Variants in UBXN7 observed in about 807,000 individuals in gnomAD.
UBXN7 encodes UBX domain protein 7, also known as UBX domain-containing protein 7.
A neutral mutation model predicts 58.0 loss-of-function variants in UBXN7; 9 were observed. That is an observed-to-expected ratio of 0.16 (90% CI 0.09 to 0.27). The LOEUF (loss-of-function observed/expected upper bound fraction) is 0.27. Ranked by LOEUF, UBXN7 falls within the 10% of genes least tolerant of loss-of-function variation. The probability of loss-of-function intolerance (pLI) is 1.00; values close to 1 mark genes in which losing one functional copy is unlikely to be tolerated. For missense variants in UBXN7, 328 were observed against 599.6 expected (o/e 0.55, Z 4.73); for synonymous variants, 208 against 205.0 (o/e 1.01, Z -0.12).
At position 196,349,329 on chromosome 3, in the gene UBXN7, ACT is replaced by A. The variant is rs1728159451; in HGVS notation, c.*7354_*7355del. 6.6e-6 allele frequency: 1 copy of A among 151,956 alleles called. No homozygotes were observed. Among genetic ancestry groups the A allele is most frequent in the African/African-American group, 2.4e-5 (1 of 41,352 alleles). The allele number at this position is 151,956 out of a possible 1,614,324, so 9.4% of individuals were successfully genotyped here. A position where few individuals can be genotyped will look rare whatever the true frequency, so the allele number is the denominator to read the frequency against. ...AAAGTGGAGGCCACGCACTACTTTC[ACT>A]CTCTCTAGCAGGTGAAAGGGGATTT... is the stretch of plus-strand genomic sequence containing the variant. On this transcript the variant is annotated 3_prime_UTR_variant, in exon 11 of 11. Transcript: ENST00000296328.
Position 196,349,153 on chromosome 3 carries a change from A to C in UBXN7, c.*7532T>G, listed in dbSNP as rs951592143. ...TACTCATTTCTCTATATCTAAGACT[A>C]GAAGATTCTCTCACAGCTTTACTGT... On this transcript the variant is annotated 3_prime_UTR_variant, in exon 11 of 11. Coordinates refer to ENST00000296328, the MANE Select transcript of UBXN7 (RefSeq NM_015562.2). The C allele has an allele frequency of 6.6e-6, 1 of 152,212 alleles. No homozygotes were observed. Among genetic ancestry groups the C allele is most frequent in the African/African-American group, 2.4e-5 (1 of 41,456 alleles). 9.4% of individuals were successfully genotyped at this position (152,212 alleles called of 1,614,324 possible).
At chr3:196,377,151 C>T (rs1257650252) in intron 5 of UBXN7, among the ~76,000 whole-genome samples, 2 of 152,092 alleles carry the variant, frequency 1.3e-5, no homozygotes, top group Non-Finnish European at 2.9e-5. Context: ...AATTAAACTG[C>T]TTTAGACCCC....
intron 3 of UBXN7, among the ~76,000 whole-genome samples, chr3:196,401,822 A>G (rs1344548145): frequency 1.4e-4 from 6 of 43,996 alleles, no homozygotes; most frequent in African/African-American, 2.5e-4. Context: ...AGAAAAGAGA[A>G]GAGAGAAGAG....
At chr3:196,420,915 C>T (rs1225176213) in intron 1 of UBXN7, among the ~76,000 whole-genome samples, 1 of 152,156 alleles carries the variant, frequency 6.6e-6, no homozygotes, top group Non-Finnish European at 1.5e-5. Context: ...GTCACAGAGA[C>T]TTTTAAAAAC....
intron 4 of UBXN7, 54 bp from the exon 5 acceptor site, chr3:196,391,979 A>G (rs1012617568): frequency 2.5e-4 from 25 of 98,634 alleles, no homozygotes; most frequent in South Asian, 5.5e-4. Flanking sequence ...AATCACACTG[A>G]AAAAAAAAAA....
intron 1 of UBXN7, among the ~76,000 whole-genome samples, chr3:196,420,943 T>C (rs1730662612): frequency 6.6e-6 from 1 of 151,674 alleles, no homozygotes; most frequent in Non-Finnish European, 1.5e-5. Context: ...ATCATCCCTC[T>C]ATAGAAATGA....
chr3:196,352,022 A>G lies in UBXN7; in HGVS notation c.*4663T>C, dbSNP rs1728227473. The G allele has an allele frequency of 6.6e-6, 1 of 152,234 alleles. No homozygotes were observed. The highest frequency in any genetic ancestry group is 2.4e-5 in the African/African-American group (1 of 41,464). The allele number at this position is 152,234 out of a possible 1,614,324, so 9.4% of individuals were successfully genotyped here. Reference sequence around the variant, plus strand: ...GGTTATGCCTTAGTGGCAGAACTTCATGCCCCAAATCTAGAAGTTACAAAA... The same window carrying G: ...GGTTATGCCTTAGTGGCAGAACTTCGTGCCCCAAATCTAGAAGTTACAAAA... On this transcript the variant is annotated 3_prime_UTR_variant, in exon 11 of 11. Coordinates refer to ENST00000296328, the MANE Select transcript of UBXN7 (RefSeq NM_015562.2). The surrounding 1 kb of genome is among the most constrained non-coding windows in gnomAD (Gnocchi z 4.1).
chr3:196,407,808 G>A (rs965687439), intron 1 of UBXN7, among the ~76,000 whole-genome samples: 1 of 152,076 alleles, frequency 6.6e-6, no homozygotes, highest in Non-Finnish European at 1.5e-5. Flanking sequence ...CTGTTAAAAA[G>A]AAAGCATCAG....
chr3:196,396,639 T>G (rs1313828345), intron 3 of UBXN7, among the ~76,000 whole-genome samples: 1 of 151,936 alleles, frequency 6.6e-6, no homozygotes, highest in Non-Finnish European at 1.5e-5. Flanking sequence ...GGCGGGTACC[T>G]GTAGTCCCAG....
intron 1 of UBXN7, chr3:196,431,519 C>G (rs924674133): frequency 6.2e-6 from 1 of 160,300 alleles, no homozygotes; most frequent in African/African-American, 2.4e-5. Context: ...GATACCGACA[C>G]CCAGAAACAG....
chr3:196,399,456 A>T (rs1357339894), intron 3 of UBXN7, among the ~76,000 whole-genome samples: 1 of 152,018 alleles, frequency 6.6e-6, no homozygotes, highest in Non-Finnish European at 1.5e-5. Context: ...TTTCTTTTAT[A>T]GACAGGGCCT....
At chr3:196,403,970 T>C (rs1183810989) in intron 2 of UBXN7, among the ~76,000 whole-genome samples, 1 of 151,958 alleles carries the variant, frequency 6.6e-6, no homozygotes, top group East Asian at 1.9e-4. Flanking sequence ...TATTTTAGGT[T>C]GGGCATGGTG....
intron 5 of UBXN7, among the ~76,000 whole-genome samples, chr3:196,388,739 A>G (rs1204444988): frequency 1.3e-5 from 2 of 152,234 alleles, no homozygotes; most frequent in Non-Finnish European, 2.9e-5. Context: ...TTGGTCAGCC[A>G]AAGAGTATCC....
At chr3:196,394,755 T>C (rs1729718314) in intron 3 of UBXN7, among the ~76,000 whole-genome samples, 1 of 152,210 alleles carries the variant, frequency 6.6e-6, no homozygotes, top group Admixed American at 6.5e-5. Context: ...AACTCTACAT[T>C]CTAAACCATA....
intron 1 of UBXN7, among the ~76,000 whole-genome samples, chr3:196,412,283 G>GT (rs1730357828): frequency 6.7e-6 from 1 of 150,344 alleles, no homozygotes; most frequent in Admixed American, 6.6e-5. Flanking sequence ...TACAACGTGT[G>GT]TAATAATGTT....
At chr3:196,387,637 C>CAG (rs1327049564) in intron 5 of UBXN7, among the ~76,000 whole-genome samples, 1 of 152,144 alleles carries the variant, frequency 6.6e-6, no homozygotes. Context: ...AGGATATGAA[C>CAG]AGACACTTCT....
chr3:196,371,794 T>C (rs1728840314), intron 6 of UBXN7, 102 bp downstream of exon 6: 3 of 1,450,468 alleles, frequency 2.1e-6, no homozygotes, highest in Non-Finnish European at 1.8e-6. Context: ...GCTTTACCTT[T>C]TTTTAAATGT....
At chr3:196,419,904 A>C (rs892893473) in intron 1 of UBXN7, among the ~76,000 whole-genome samples, 1 of 152,218 alleles carries the variant, frequency 6.6e-6, no homozygotes, top group Non-Finnish European at 1.5e-5. Flanking sequence ...GAATGGATAG[A>C]ACAGTCCTAC....
chr3:196,363,453 G>A (rs866728841), intron 8 of UBXN7, among the ~76,000 whole-genome samples: 9 of 151,044 alleles, frequency 6.0e-5, no homozygotes, highest in Middle Eastern at 6.8e-3. Context: ...TCAAAAGATC[G>A]AGACCATCCT....
Sources: gnomAD v4.1 joint callset for allele counts (sites outside exome capture counted in the v4.1 genomes callset) on GRCh38, gnomAD v4.1.1 for gene constraint, Gnocchi (gnomAD v3.1) non-coding constraint, MANE v1.5 for transcripts, NCBI Gene and HGNC (gene_info 2026-07-23, HGNC 2026-07-21) for gene names.